Variants in ZBTB8B observed in about 807,000 individuals in gnomAD.
ZBTB8B encodes the protein zinc finger and BTB domain containing 8B.
A neutral mutation model predicts 30.3 loss-of-function variants in ZBTB8B; 17 were observed. That is an observed-to-expected ratio of 0.56 (90% CI 0.38 to 0.84). The LOEUF (loss-of-function observed/expected upper bound fraction) is 0.84. Among genes scored for constraint, ZBTB8B ranks in the 40% least tolerant of loss-of-function variants. The pLI is 0.00. For synonymous variants in ZBTB8B, 248 were observed against 255.6 expected, an observed-to-expected ratio of 0.97 and a Z score of 0.28; for missense variants, 515 against 644.9, an observed-to-expected ratio of 0.80 and a Z score of 2.18.
At chr1:32,485,052 C>T (rs1330260743) in intron 3 of ZBTB8B, 49 bp from the exon 4 acceptor site, 4 of 1,528,404 alleles carry the variant, frequency 2.6e-6, no homozygotes, top group African/African-American at 2.8e-5. Flanking sequence ...TTGTGGAAAA[C>T]ACTCATCTCC....
rs917865954 is a variant in ZBTB8B at position 32,494,183 on chromosome 1, C to CAAAAAAAAAAAAAAAA, written c.*8774_*8789dup. The CAAAAAAAAAAAAAAAA allele has an allele frequency of 2.1e-5, 1 of 48,008 alleles. No homozygotes were observed. Among genetic ancestry groups the CAAAAAAAAAAAAAAAA allele is most frequent in the Non-Finnish European group, 3.9e-5 (1 of 25,498 alleles). 3.0% of individuals were successfully genotyped at this position (48,008 alleles called of 1,614,324 possible). A position where few individuals can be genotyped will look rare whatever the true frequency, so the allele number is the denominator to read the frequency against. ...GGGCAACGAGAGCAAAACTCCATCT[C>CAAAAAAAAAAAAAAAA]AAAAAAAAAAAAAAAAAAAAAAAAG... On this transcript the variant is annotated 3_prime_UTR_variant, in exon 4 of 4. Coordinates refer to ENST00000609129, the MANE Select transcript of ZBTB8B (RefSeq NM_001145720.2).
In ZBTB8B at chr1:32,471,289, C is replaced by T. The variant is rs1308223998; in HGVS notation, c.665C>T (p.Thr222Ile). ...GGGSADSNLS[T>I]PPKRIEPKVE... is the part of the protein sequence containing the mutation. ...GGCTCGGCTGACAGCAACCTCTCTA[C>T]TCCACCCAAACGGATAGAGCCCAAG... Residue 222 changes from threonine to isoleucine, a missense_variant, in exon 2 of 4, where the codon ACT (threonine) becomes ATT (isoleucine). Thr to Ile is a moderately conservative substitution (Grantham distance 89). Around this residue, in one of 3 missense-constraint regions of ZBTB8B, gnomAD observed 429 missense variants for 504.3 expected, o/e 0.85. Coordinates refer to ENST00000609129, the MANE Select transcript of ZBTB8B (RefSeq NM_001145720.2). 6.4e-7 allele frequency: 1 copy of T among 1,551,822 alleles called. No individual in the cohort carries two copies. Among genetic ancestry groups the T allele is most frequent in the Admixed American group, 2.0e-5 (1 of 51,014 alleles).
At chr1:32,478,231 G>T (rs941147698) in intron 2 of ZBTB8B, among the ~76,000 whole-genome samples, 1 of 150,796 alleles carries the variant, frequency 6.6e-6, no homozygotes, top group Non-Finnish European at 1.5e-5. Flanking sequence ...CGAAAAACAG[G>T]CCAGGCATGG....
At chr1:32,467,971 C>T (rs1366703610) in intron 1 of ZBTB8B, among the ~76,000 whole-genome samples, 1 of 151,948 alleles carries the variant, frequency 6.6e-6, no homozygotes, top group African/African-American at 2.4e-5. Flanking sequence ...AAAAAATTAG[C>T]CTGGCGTGGG....
intron 2 of ZBTB8B, among the ~76,000 whole-genome samples, chr1:32,474,832 C>A (rs1643650885): frequency 6.6e-6 from 1 of 152,200 alleles, no homozygotes; most frequent in Non-Finnish European, 1.5e-5. Context: ...CAGCTAAAAC[C>A]AGAAAACTGG....
At chr1:32,469,895 T>G (rs1184968942) in intron 1 of ZBTB8B, among the ~76,000 whole-genome samples, 2 of 152,164 alleles carry the variant, frequency 1.3e-5, no homozygotes, top group Non-Finnish European at 2.9e-5. Context: ...CATATTATTA[T>G]TATTATTTTG....
Position 32,470,939 on chromosome 1 carries a change from G to A in ZBTB8B, c.315G>A (p.Leu105=). 12 of 1,552,264 alleles carry A rather than the reference G, an allele frequency of 7.7e-6. No homozygotes were observed. Among genetic ancestry groups the A allele is most frequent in the Non-Finnish European group, 9.6e-6 (11 of 1,147,126 alleles). The stretch of plus-strand genomic sequence containing the variant: ...AAGTGATGTCGGCTGCCAGCTACCT[G>A]CAGATGAATGACGTGGTGAACTTCT... ...VIEVMSAASY[L]QMNDVVNFCK... is the part of the protein sequence containing the mutation. The change falls in exon 2 of 4, where the codon CTG becomes CTA. Residue 105 remains leucine, a synonymous_variant. Transcript: ENST00000609129.
In ZBTB8B at chr1:32,489,942, T is replaced by C. The variant is rs1643768510; in HGVS notation, c.*4524T>C. On this transcript the variant is annotated 3_prime_UTR_variant, in exon 4 of 4. Transcript: ENST00000609129. ...CCTTAAGGAAGCTGCTGACCTAGTG[T>C]TCTGCAACATGTTATGGAATTGAGT... 1 of 152,200 alleles carries C rather than the reference T, an allele frequency of 6.6e-6. No homozygotes were observed. The highest frequency in any genetic ancestry group is 1.5e-5 in the Non-Finnish European group (1 of 68,030). The allele number at this position is 152,200 out of a possible 1,614,324, so 9.4% of individuals were successfully genotyped here.
rs201986713 is a variant in ZBTB8B at position 32,466,686 on chromosome 1, T to C, written c.-42+1581T>C. On this transcript the variant is annotated intron_variant, in intron 1 of 3. Transcript: ENST00000609129. ...AAAATAATTGCAATAGAATAAAAAA[T>C]AATTTCAGTAAGAAAGCCAAAAGAA... 2.6e-5 allele frequency among the ~76,000 whole-genome samples: 4 copies of C among 152,174 alleles called. No homozygotes were observed. The East Asian group carries it at 7.7e-4, about 29-fold the overall frequency.
intron 2 of ZBTB8B, among the ~76,000 whole-genome samples, chr1:32,472,387 G>A (rs1044691423): frequency 1.1e-4 from 16 of 152,214 alleles, no homozygotes; most frequent in Non-Finnish European, 1.3e-4. Flanking sequence ...CAGGTTTGTT[G>A]TGGGGACCAA....
At chr1:32,476,751 T>C (rs182921574) in intron 2 of ZBTB8B, among the ~76,000 whole-genome samples, 12 of 148,318 alleles carry the variant, frequency 8.1e-5, no homozygotes, top group African/African-American at 2.5e-4. Context: ...GTCGCACCAC[T>C]GCACTCCAGC....
intron 2 of ZBTB8B, among the ~76,000 whole-genome samples, chr1:32,475,874 G>A (rs1004978159): frequency 6.6e-6 from 1 of 150,430 alleles, no homozygotes; most frequent in Non-Finnish European, 1.5e-5. Flanking sequence ...CTGGAGTACG[G>A]TGGTGCCATC....
At position 32,485,452 on chromosome 1, in the gene ZBTB8B, CT is replaced by C. The variant is rs1441918656; in HGVS notation, c.*36del. On this transcript the variant is annotated 3_prime_UTR_variant, in exon 4 of 4. Transcript: ENST00000609129. ...TGGTGGGGAAGAGGAGGTTTTAAAA[CT>C]TGTTAGTGCTCGTTCTGTTGTTGAA... is the stretch of plus-strand genomic sequence containing the variant. 6.5e-7 allele frequency: 1 copy of C among 1,529,316 alleles called. No homozygotes were observed. Among genetic ancestry groups the C allele is most frequent in the Non-Finnish European group, 8.8e-7 (1 of 1,130,692 alleles). The allele number at this position is 1,529,316 out of a possible 1,614,324, so 94.7% of individuals were successfully genotyped here.
rs1380751494 is a variant in ZBTB8B, at chr1:32,484,338, C to T, written c.1171-763C>T. On this transcript the variant is annotated intron_variant, in intron 3 of 3. Transcript: ENST00000609129. The surrounding 1 kb of genome is among the most constrained non-coding windows in gnomAD (Gnocchi z 4.5). ...CCTCTTAGAGCTTCCACTCTAGTGA[C>T]TTTTATGAACAATTTGTGAGAAGTA... Among the ~76,000 whole-genome samples, 1 of 152,100 alleles carries T rather than the reference C, an allele frequency of 6.6e-6. No homozygotes were observed. Among genetic ancestry groups the T allele is most frequent in the Non-Finnish European group, 1.5e-5 (1 of 68,046 alleles).
At position 32,470,859 on chromosome 1, in the gene ZBTB8B, A is replaced by G; in HGVS notation, c.235A>G (p.Ile79Val). Residue 79 changes from isoleucine to valine, a missense_variant, in exon 2 of 4, where the codon ATC becomes GTC. Physicochemically the swap from Ile to Val is conservative, Grantham distance 29. This residue lies in a region of ZBTB8B where 61 missense variants were observed against 117.7 expected (regional missense o/e 0.52). Coordinates refer to ENST00000609129, the MANE Select transcript of ZBTB8B (RefSeq NM_001145720.2). Reference protein sequence around the residue: ...DIVTSDAFSIILDFLYSGKLD... With the variant: ...DIVTSDAFSIVLDFLYSGKLD... ...TGTCACCTCTGATGCCTTCTCCATC[A>G]TCTTAGATTTCCTCTATTCTGGGAA... The G allele has an allele frequency of 6.4e-7, 1 of 1,551,920 alleles. No individual in the cohort carries two copies. The highest frequency in any genetic ancestry group is 8.7e-7 in the Non-Finnish European group (1 of 1,147,038).
In ZBTB8B at chr1:32,495,856, T is replaced by C. The variant is rs1643813498; in HGVS notation, c.*10438T>C. 1 of 152,048 alleles carries C rather than the reference T, an allele frequency of 6.6e-6. No individual in the cohort carries two copies. Among genetic ancestry groups the C allele is most frequent in the Non-Finnish European group, 1.5e-5 (1 of 68,022 alleles). The allele number at this position is 152,048 out of a possible 1,614,324, so 9.4% of individuals were successfully genotyped here. On this transcript the variant is annotated 3_prime_UTR_variant, in exon 4 of 4. Coordinates refer to ENST00000609129, the MANE Select transcript of ZBTB8B (RefSeq NM_001145720.2). ...AGGATCATGTCACCACACTCCAGCG[T>C]GGGCAACAGAATGAGACCCTGTCTC...
At chr1:32,480,004 GAAAGCATGAATTCTGGT>G in intron 2 of ZBTB8B, among the ~76,000 whole-genome samples, 1 of 152,166 alleles carries the variant, frequency 6.6e-6, no homozygotes, top group Non-Finnish European at 1.5e-5. Context: ...TACTGTCCAA[GAAAGCATGAATTCTGGT>G]CTAGAAATCT....
chr1:32,492,224 C>T lies in ZBTB8B; in HGVS notation c.*6806C>T, dbSNP rs181128174. The T allele has an allele frequency of 7.2e-5, 11 of 152,238 alleles. No individual in the cohort carries two copies. Among genetic ancestry groups the T allele is most frequent in the Middle Eastern group, 3.4e-3 (1 of 294 alleles). 9.4% of individuals were successfully genotyped at this position (152,238 alleles called of 1,614,324 possible). On this transcript the variant is annotated 3_prime_UTR_variant, in exon 4 of 4. Transcript: ENST00000609129. ...TATTGAATGGACATGTCTGAGTATTCCATCAGTCATATTTTGATGGGAGCC... is the reference window on the plus strand; with the variant it reads ...TATTGAATGGACATGTCTGAGTATTTCATCAGTCATATTTTGATGGGAGCC...
rs139622125 is a variant in ZBTB8B, at chr1:32,475,558, C to A, written c.991+3943C>A. 2.8e-3 allele frequency among the ~76,000 whole-genome samples: 422 copies of A among 152,198 alleles called. 7 individuals carry two copies. Among genetic ancestry groups the A allele is most frequent in the African/African-American group, 9.7e-3 (403 of 41,526 alleles). On this transcript the variant is annotated intron_variant, in intron 2 of 3. Transcript: ENST00000609129. ...CCAAGATCACACCACTGCACTCCAG[C>A]CTGGGCAACAAAGCGAGACTGTCTC...
Sources: gnomAD v4.1 joint callset for allele counts (sites outside exome capture counted in the v4.1 genomes callset) on GRCh38, gnomAD v4.1.1 for gene constraint, gnomAD v4.1.1 regional missense constraint, Gnocchi (gnomAD v3.1) non-coding constraint, MANE v1.5 for transcripts, NCBI Gene and HGNC (gene_info 2026-07-23, HGNC 2026-07-21) for gene names.